Variants in UNC13C observed in about 807,000 individuals in gnomAD.
The protein encoded by UNC13C is protein unc-13 homolog C.
UNC13C carries 174 observed loss-of-function variants against 245.4 expected under a neutral mutation model. The observed-to-expected ratio is 0.71, with a 90% CI of 0.63 to 0.80. The LOEUF (loss-of-function observed/expected upper bound fraction) is 0.80, where lower values mean the gene tolerates loss of function less well. UNC13C is among the 30% of genes least tolerant of loss of function. UNC13C has a pLI of 0.00. For synonymous variants in UNC13C, 992 were observed against 895.1 expected (o/e 1.11, Z -1.93); for missense variants, 2,829 against 2,602.9 (o/e 1.09, Z -1.89).
the UNC13C span, among the ~76,000 whole-genome samples, chr15:53,861,474 A>G: frequency 2.0e-5 from 3 of 151,974 alleles, no homozygotes; most frequent in Non-Finnish European, 2.9e-5. Flanking sequence ...TCTTTCTATC[A>G]TAATAAAAAT....
chr15:54,631,233 GC>G (rs1262267737), downstream of UNC13C: 3 of 152,182 alleles, frequency 2.0e-5, no homozygotes, highest in Non-Finnish European at 4.4e-5. Flanking sequence ...TGTAGTCCCA[GC>G]TACTTGAGAG....
At chr15:54,186,924 C>T (rs937224023) in intron 4 of UNC13C, among the ~76,000 whole-genome samples, 30 of 151,048 alleles carry the variant, frequency 2.0e-4, no homozygotes, top group African/African-American at 7.1e-4. Context: ...ACTTGGCTCA[C>T]TGCAACCTCT....
chr15:54,403,273 G>A (rs2040224645), intron 18 of UNC13C, among the ~76,000 whole-genome samples: 1 of 152,070 alleles, frequency 6.6e-6, no homozygotes, highest in Non-Finnish European at 1.5e-5. Flanking sequence ...TTAGAGCTGG[G>A]CTCATGCTGG....
chr15:54,524,632 C>T (rs1895367660), intron 24 of UNC13C, among the ~76,000 whole-genome samples: 1 of 152,130 alleles, frequency 6.6e-6, no homozygotes, highest in Non-Finnish European at 1.5e-5. Flanking sequence ...AATGCACCCT[C>T]ATAGGGATAC....
At chr15:54,474,730 A>G (rs1357693992) in intron 19 of UNC13C, among the ~76,000 whole-genome samples, 2 of 151,916 alleles carry the variant, frequency 1.3e-5, no homozygotes, top group African/African-American at 4.8e-5. Context: ...GGTATAAGGA[A>G]TACCTGAGGC....
intron 17 of UNC13C, among the ~76,000 whole-genome samples, chr15:54,346,122 A>G (rs1235943523): frequency 1.3e-5 from 2 of 152,220 alleles, no homozygotes; most frequent in African/African-American, 4.8e-5. Flanking sequence ...GATATCAGTT[A>G]GACCTGTCTT....
the UNC13C span, among the ~76,000 whole-genome samples, chr15:53,870,011 T>G: frequency 6.6e-6 from 1 of 152,206 alleles, no homozygotes; most frequent in Non-Finnish European, 1.5e-5. Flanking sequence ...TGCAAAATCT[T>G]CGAGCCTTCC....
intron 26 of UNC13C, among the ~76,000 whole-genome samples, chr15:54,533,638 G>A (rs1025327105): frequency 2.0e-5 from 3 of 152,212 alleles, no homozygotes; most frequent in Non-Finnish European, 2.9e-5. Context: ...CAGTTTAATA[G>A]TGGTGGGAGT....
chr15:54,125,346 C>A, intron 2 of UNC13C, among the ~76,000 whole-genome samples: 1 of 152,062 alleles, frequency 6.6e-6, no homozygotes, highest in East Asian at 1.9e-4. Context: ...GCCTGTAATT[C>A]CAGCTACTCA....
At chr15:54,458,105 A>C (rs1891635057) in intron 19 of UNC13C, among the ~76,000 whole-genome samples, 1 of 151,926 alleles carries the variant, frequency 6.6e-6, no homozygotes, top group Non-Finnish European at 1.5e-5. Flanking sequence ...CATTCAGTTC[A>C]AGGAATTTTT....
intron 4 of UNC13C, among the ~76,000 whole-genome samples, chr15:54,149,024 G>A (rs994851746): frequency 6.6e-6 from 1 of 152,116 alleles, no homozygotes; most frequent in African/African-American, 2.4e-5. Context: ...ATCATGGGGG[G>A]CAGTTTCCCC....
At chr15:54,172,543 T>C (rs1443773134) in intron 4 of UNC13C, among the ~76,000 whole-genome samples, 1 of 151,390 alleles carries the variant, frequency 6.6e-6, no homozygotes, top group Non-Finnish European at 1.5e-5. Flanking sequence ...TATACCGTTG[T>C]ATAAATTATA....
chr15:54,098,929 C>G (rs1900022622), intron 2 of UNC13C, among the ~76,000 whole-genome samples: 1 of 152,198 alleles, frequency 6.6e-6, no homozygotes, highest in Non-Finnish European at 1.5e-5. Flanking sequence ...GATGGAAAGT[C>G]TGACCACAAC....
intron 2 of UNC13C, among the ~76,000 whole-genome samples, chr15:54,062,743 T>A (rs1331195643): frequency 6.6e-6 from 1 of 152,214 alleles, no homozygotes; most frequent in Non-Finnish European, 1.5e-5. Context: ...ACTCTACTGG[T>A]AGAACCCAGG....
intron 17 of UNC13C, among the ~76,000 whole-genome samples, chr15:54,387,597 A>G (rs2039865921): frequency 1.3e-5 from 2 of 152,142 alleles, no homozygotes; most frequent in Admixed American, 1.3e-4. Flanking sequence ...CTACCTCAAA[A>G]CTAATGAGAG....
chr15:54,300,381 C>T lies in UNC13C; in HGVS notation c.4268+8C>T, dbSNP rs754020154. 6 of 1,561,374 alleles carry T rather than the reference C, an allele frequency of 3.8e-6. No individual in the cohort carries two copies. In the East Asian group the frequency reaches 9.4e-5, roughly 24 times the overall value. ...CATTTATCAAGCTATGACGTAAGTA[C>T]TACAGAACATTTACATGGTCAATAT... On this transcript the variant is annotated splice_region_variant and intron_variant, in intron 13 of 32. Coordinates refer to ENST00000260323, the MANE Select transcript of UNC13C (RefSeq NM_001080534.3).
At chr15:53,966,500 AGTTT>A in the UNC13C span, among the ~76,000 whole-genome samples, 4 of 152,088 alleles carry the variant, frequency 2.6e-5, no homozygotes, top group Non-Finnish European at 4.4e-5. Context: ...CTTGAAGGTG[AGTTT>A]GTTTGTGTTG....
At chr15:53,987,932 A>G (rs1050108368) in intron 1 of UNC13C, among the ~76,000 whole-genome samples, 10 of 152,008 alleles carry the variant, frequency 6.6e-5, no homozygotes, top group Admixed American at 6.6e-4. Flanking sequence ...TAATTACAGA[A>G]CTGTGAGCAG....
intron 4 of UNC13C, among the ~76,000 whole-genome samples, chr15:54,212,641 T>G (rs1332956995): frequency 6.6e-6 from 1 of 152,080 alleles, no homozygotes; most frequent in Admixed American, 6.6e-5. Context: ...TCTCCCTTCT[T>G]CTCCCTCAAC....
Sources: allele counts gnomAD v4.1 joint callset (sites outside exome capture counted in the v4.1 genomes callset), GRCh38; gene constraint gnomAD v4.1.1; transcripts MANE v1.5; gene names NCBI Gene and HGNC (gene_info 2026-07-23, HGNC 2026-07-21).